GRID2: variants seen among roughly 807,000 people sequenced by gnomAD.
GRID2 encodes glutamate receptor ionotropic, delta-2.
GRID2 carries 33 observed loss-of-function variants against 114.8 expected under a neutral mutation model. That is an observed-to-expected ratio of 0.29 (90% CI 0.22 to 0.38). GRID2 has a LOEUF of 0.38. GRID2 is among the 10% of genes least tolerant of loss of function. GRID2 has a pLI of 1.00. For missense variants in GRID2, 1,184 were observed against 1,257.7 expected, an observed-to-expected ratio of 0.94 and a Z score of 0.89; for synonymous variants, 505 against 449.9, an observed-to-expected ratio of 1.12 and a Z score of -1.55.
chr4:93,792,703 G>A (rs534275397), intron 1 of GRID2, among the ~76,000 whole-genome samples: 2 of 152,262 alleles, frequency 1.3e-5, no homozygotes, highest in African/African-American at 4.8e-5. Flanking sequence ...CATATGGCAG[G>A]TGAAAAATGA....
At chr4:93,673,087 T>G (rs1298652287) in intron 14 of GRID2, among the ~76,000 whole-genome samples, 2 of 152,192 alleles carry the variant, frequency 1.3e-5, no homozygotes, top group Admixed American at 6.5e-5. Flanking sequence ...ACACTACACA[T>G]TGGCATTTGT....
At chr4:92,672,597 A>G (rs931228968) in intron 2 of GRID2, among the ~76,000 whole-genome samples, 1 of 152,088 alleles carries the variant, frequency 6.6e-6, no homozygotes, top group Non-Finnish European at 1.5e-5. Flanking sequence ...CAGTCCATTT[A>G]TATTTAATGT....
intron 1 of GRID2, among the ~76,000 whole-genome samples, chr4:92,454,411 C>T (rs1402479453): frequency 4.6e-5 from 7 of 152,112 alleles, no homozygotes; most frequent in African/African-American, 1.7e-4. Flanking sequence ...TGTGATTCTC[C>T]ATATAAATAC....
chr4:92,725,735 G>A (rs1379165595), intron 2 of GRID2, among the ~76,000 whole-genome samples: 1 of 152,110 alleles, frequency 6.6e-6, no homozygotes, highest in African/African-American at 2.4e-5. Context: ...AACAAAGTGA[G>A]TTCATGACAA....
At chr4:92,848,786 T>A (rs1414442347) in intron 2 of GRID2, among the ~76,000 whole-genome samples, 1 of 151,918 alleles carries the variant, frequency 6.6e-6, no homozygotes, top group African/African-American at 2.4e-5. Flanking sequence ...AAGGTAGGCC[T>A]AATCTAATCT....
At chr4:92,613,280 T>C (rs1224269219) in intron 2 of GRID2, among the ~76,000 whole-genome samples, 2 of 151,496 alleles carry the variant, frequency 1.3e-5, no homozygotes, top group East Asian at 3.9e-4. Flanking sequence ...CTTTAAAGGT[T>C]ATGGAGTAAA....
At chr4:93,177,771 A>T (rs1311577017) in intron 4 of GRID2, among the ~76,000 whole-genome samples, 1 of 152,126 alleles carries the variant, frequency 6.6e-6, no homozygotes, top group Non-Finnish European at 1.5e-5. Flanking sequence ...TAAAGTTGTC[A>T]TTGCTCCTTT....
intron 2 of GRID2, among the ~76,000 whole-genome samples, chr4:93,082,499 G>A (rs1430834447): frequency 6.6e-6 from 1 of 152,122 alleles, no homozygotes; most frequent in Non-Finnish European, 1.5e-5. Flanking sequence ...CTCTCTATGA[G>A]AAACCTGACA....
At chr4:93,757,676 C>A (rs1285021336) in intron 14 of GRID2, among the ~76,000 whole-genome samples, 1 of 152,216 alleles carries the variant, frequency 6.6e-6, no homozygotes, top group African/African-American at 2.4e-5. Flanking sequence ...AAAACCTTAG[C>A]CAGTTGCAGT....
intron 1 of GRID2, among the ~76,000 whole-genome samples, chr4:92,495,655 C>T (rs1723352707): frequency 6.6e-6 from 1 of 151,392 alleles, no homozygotes; most frequent in African/African-American, 2.4e-5. Context: ...CTTAATGTAC[C>T]ATTTAAAGGG....
At chr4:93,098,929 C>T (rs1370266683) in intron 3 of GRID2, among the ~76,000 whole-genome samples, 1 of 151,076 alleles carries the variant, frequency 6.6e-6, no homozygotes, top group African/African-American at 2.4e-5. Flanking sequence ...GTCAAGTTAG[C>T]AGACTCTGGT....
At chr4:92,853,647 T>G (rs1743981301) in intron 2 of GRID2, among the ~76,000 whole-genome samples, 1 of 152,058 alleles carries the variant, frequency 6.6e-6, no homozygotes, top group South Asian at 2.1e-4. Context: ...TTTTATTAAA[T>G]TAGTTAAAAT....
At chr4:93,775,415 AC>A (rs1195354265), downstream of GRID2, among the ~76,000 whole-genome samples, 1 of 152,142 alleles carries the variant, frequency 6.6e-6, no homozygotes, top group African/African-American at 2.4e-5. Context: ...TTCTCCTCTC[AC>A]CAAGCCTAGG....
intron 1 of GRID2, among the ~76,000 whole-genome samples, chr4:92,482,020 A>ATATATATG (rs1722633872): frequency 1.4e-5 from 1 of 70,916 alleles, no homozygotes; most frequent in East Asian, 3.1e-4. Flanking sequence ...ATATATATAT[A>ATATATATG]TATATATATA....
At chr4:92,498,557 A>T (rs2149120689) in intron 1 of GRID2, among the ~76,000 whole-genome samples, 1 of 152,078 alleles carries the variant, frequency 6.6e-6, no homozygotes, top group Non-Finnish European at 1.5e-5. Context: ...TTCCTTGATT[A>T]TTTTTAAAGT....
At chr4:92,755,231 T>G (rs552109488) in intron 2 of GRID2, among the ~76,000 whole-genome samples, 1 of 152,318 alleles carries the variant, frequency 6.6e-6, no homozygotes, top group South Asian at 2.1e-4. Context: ...TTTCTGCCAT[T>G]TTTGAGATAT....
At chr4:93,788,461 CTAA>C (rs1301288838) in intron 1 of GRID2, among the ~76,000 whole-genome samples, 5 of 151,996 alleles carry the variant, frequency 3.3e-5, no homozygotes, top group African/African-American at 4.8e-5. Context: ...TTAGCTTAAT[CTAA>C]TAATTTCACA....
At chr4:93,273,385 T>C (rs2149572927) in intron 8 of GRID2, among the ~76,000 whole-genome samples, 1 of 152,260 alleles carries the variant, frequency 6.6e-6, no homozygotes, top group East Asian at 1.9e-4. Context: ...AATTATTTAA[T>C]TGAGGAAGAA....
intron 2 of GRID2, among the ~76,000 whole-genome samples, chr4:92,696,129 C>G (rs1383875293): frequency 2.0e-5 from 3 of 151,980 alleles, no homozygotes; most frequent in Admixed American, 1.3e-4. Context: ...GGATTTCTTT[C>G]CGTCTTTTAA....
Sources: allele counts gnomAD v4.1 joint callset (sites outside exome capture counted in the v4.1 genomes callset), GRCh38; gene constraint gnomAD v4.1.1; transcripts MANE v1.5; gene names NCBI Gene and HGNC (gene_info 2026-07-23, HGNC 2026-07-21).